PRKG1: variants seen among roughly 807,000 people sequenced by gnomAD.
PRKG1 encodes protein kinase cGMP-dependent 1, also known as cGMP-dependent protein kinase 1.
In PRKG1, 35 loss-of-function variants were observed where a neutral mutation model predicts 88.1. The ratio of observed to expected loss-of-function variants is 0.40; its 90% CI spans 0.30 to 0.53. The LOEUF is 0.53. PRKG1 is among the 20% of genes least tolerant of loss of function. The pLI is 0.59. For synonymous variants in PRKG1, 303 were observed against 292.5 expected (o/e 1.04, Z -0.37); for missense variants, 540 against 839.8 (o/e 0.64, Z 4.41).
intron 10 of PRKG1, among the ~76,000 whole-genome samples, chr10:52,264,402 C>A (rs548754875): frequency 6.6e-5 from 10 of 151,326 alleles, no homozygotes; most frequent in Non-Finnish European, 1.3e-4. Context: ...TCCCCTCCAG[C>A]TTTTTTTTTC....
intron 3 of PRKG1, among the ~76,000 whole-genome samples, chr10:51,709,788 C>T (rs1455625823): frequency 6.6e-6 from 1 of 152,174 alleles, no homozygotes; most frequent in Non-Finnish European, 1.5e-5. Context: ...AGGACTTCCA[C>T]AGGGAGGAGA....
At chr10:51,630,174 C>A (rs1317842005) in intron 3 of PRKG1, among the ~76,000 whole-genome samples, 1 of 152,144 alleles carries the variant, frequency 6.6e-6, no homozygotes, top group Non-Finnish European at 1.5e-5. Context: ...AAACTCTGGC[C>A]ACTGATCCAA....
At chr10:51,000,616 G>T (rs542661845) in intron 1 of PRKG1, among the ~76,000 whole-genome samples, 1 of 152,326 alleles carries the variant, frequency 6.6e-6, no homozygotes, top group East Asian at 1.9e-4. Context: ...ATGTGGTAGA[G>T]AAGTGAATTT....
intron 2 of PRKG1, among the ~76,000 whole-genome samples, chr10:51,271,258 GAT>G (rs1839972552): frequency 2.0e-5 from 3 of 149,986 alleles, no homozygotes; most frequent in African/African-American, 7.6e-5. Flanking sequence ...GAAGAAATAT[GAT>G]TTTTTTTTTT....
At chr10:51,167,657 G>A (rs1289696044) in intron 2 of PRKG1, among the ~76,000 whole-genome samples, 4 of 152,168 alleles carry the variant, frequency 2.6e-5, no homozygotes, top group South Asian at 2.1e-4. Context: ...TGGCAGTGTG[G>A]GAGATGAAAG....
At position 51,099,027 on chromosome 10, in the gene PRKG1, C is replaced by T. The variant is rs1589151039; in HGVS notation, c.311+24126C>T. Among the ~76,000 whole-genome samples, 10 of 152,210 alleles carry T rather than the reference C, an allele frequency of 6.6e-5. No homozygotes were observed. In the South Asian group the frequency reaches 2.1e-3, roughly 32 times the overall value. ...ATTTTTCCTCCAGCGTTCCTTGCTGCACTCTGTGAAACACAGTCTATAGAA... is the reference window on the plus strand; with the variant it reads ...ATTTTTCCTCCAGCGTTCCTTGCTGTACTCTGTGAAACACAGTCTATAGAA... On this transcript the variant is annotated intron_variant, in intron 1 of 17. Coordinates refer to ENST00000373980, the MANE Select transcript of PRKG1 (RefSeq NM_006258.4).
chr10:51,129,573 A>G (rs1283385681), intron 1 of PRKG1, among the ~76,000 whole-genome samples: 1 of 152,246 alleles, frequency 6.6e-6, no homozygotes, highest in Non-Finnish European at 1.5e-5. Context: ...TAGTTAAATT[A>G]TAAGGTAGAG....
chr10:51,704,836 G>A lies in PRKG1; in HGVS notation c.593-99749G>A, dbSNP rs148184420. Among the ~76,000 whole-genome samples, 18 of 152,254 alleles carry A rather than the reference G, an allele frequency of 1.2e-4. 1 individual carries two copies. Among genetic ancestry groups the A allele is most frequent in the South Asian group, 6.2e-4 (3 of 4,820 alleles). ...GTGAACTTGATGTGAGAGTCAGTAG[G>A]CTTCCTTCACCACCCCCTGAAACAT... On this transcript the variant is annotated intron_variant, in intron 3 of 17. Transcript: ENST00000373980.
intron 9 of PRKG1, among the ~76,000 whole-genome samples, chr10:52,190,953 T>C (rs531645377): frequency 8.6e-4 from 131 of 152,304 alleles, no homozygotes; most frequent in African/African-American, 3.1e-3. Flanking sequence ...ACTGACACTT[T>C]CCTACATAAT....
chr10:51,328,011 A>G (rs558786557), intron 2 of PRKG1, among the ~76,000 whole-genome samples: 2 of 152,196 alleles, frequency 1.3e-5, no homozygotes, highest in Non-Finnish European at 2.9e-5. Flanking sequence ...GCATTTTTCA[A>G]GAACACGGGA....
intron 2 of PRKG1, among the ~76,000 whole-genome samples, chr10:51,236,875 A>G (rs912213647): frequency 2.0e-5 from 3 of 152,172 alleles, no homozygotes; most frequent in Admixed American, 6.6e-5. Context: ...TACATAAAGA[A>G]GCAACAGAGG....
At position 50,991,359 on chromosome 10, in the gene PRKG1, C is replaced by A; in HGVS notation, c.-20C>A. The stretch of plus-strand genomic sequence containing the variant: ...CGCCGCCGCCCGAGAAAAAGTTTCG[C>A]GGAGGGGCTCAGTGAAAAAATGAGC... On this transcript the variant is annotated 5_prime_UTR_variant, in exon 1 of 18. Transcript: ENST00000401604. The surrounding 1 kb of genome is among the most constrained non-coding windows in gnomAD (Gnocchi z 4.5). 6.7e-7 allele frequency: 1 copy of A among 1,501,918 alleles called. No individual in the cohort carries two copies. The highest frequency in any genetic ancestry group is 2.3e-5 in the Admixed American group (1 of 44,196). 93.0% of individuals were successfully genotyped at this position (1,501,918 alleles called of 1,614,324 possible).
intron 5 of PRKG1, among the ~76,000 whole-genome samples, chr10:52,052,516 A>G (rs1846013073): frequency 6.6e-6 from 1 of 152,020 alleles, no homozygotes; most frequent in Non-Finnish European, 1.5e-5. Flanking sequence ...GTTCATTCTC[A>G]TACTGTTGGT....
chr10:51,862,612 T>C (rs1327655741), intron 4 of PRKG1, among the ~76,000 whole-genome samples: 1 of 151,992 alleles, frequency 6.6e-6, no homozygotes, highest in Admixed American at 6.6e-5. Flanking sequence ...TGGATGGGCC[T>C]GGAAAAAAGC....
chr10:52,128,085 G>A (rs1837148805), intron 7 of PRKG1: 1 of 985,078 alleles, frequency 1.0e-6, no homozygotes, highest in Non-Finnish European at 1.2e-6. Context: ...ATTTTGAGAT[G>A]AAAAGAATTT....
chr10:51,117,209 T>A (rs2131908320), intron 1 of PRKG1, among the ~76,000 whole-genome samples: 1 of 152,338 alleles, frequency 6.6e-6, no homozygotes, highest in African/African-American at 2.4e-5. Flanking sequence ...CACAGCATGG[T>A]CTTTCACTCT....
intron 3 of PRKG1, among the ~76,000 whole-genome samples, chr10:51,571,749 C>T (rs74562469): frequency 0.074 from 11,254 of 151,740 alleles, 1,385 homozygotes; most frequent in African/African-American, 0.25. Flanking sequence ...GATTATAGTT[C>T]ATAATGGGGG....
At chr10:51,859,057 G>A (rs1353275137) in intron 4 of PRKG1, among the ~76,000 whole-genome samples, 3 of 152,166 alleles carry the variant, frequency 2.0e-5, no homozygotes, top group Non-Finnish European at 4.4e-5. Context: ...ATTTGAGAAA[G>A]TGATGAGGCC....
At chr10:51,428,763 C>T (rs756456017) in intron 2 of PRKG1, among the ~76,000 whole-genome samples, 19 of 152,126 alleles carry the variant, frequency 1.2e-4, no homozygotes, top group Non-Finnish European at 2.4e-4. Context: ...AAAACGCATG[C>T]CCCTGTGCAT....
Sources: gnomAD v4.1 joint callset for allele counts (sites outside exome capture counted in the v4.1 genomes callset) on GRCh38, gnomAD v4.1.1 for gene constraint, Gnocchi (gnomAD v3.1) non-coding constraint, MANE v1.5 for transcripts, NCBI Gene and HGNC (gene_info 2026-07-23, HGNC 2026-07-21) for gene names.